CEP112: variants seen among roughly 807,000 people sequenced by gnomAD.
The protein encoded by CEP112 is centrosomal protein of 112 kDa.
Under a neutral mutation model 153.0 loss-of-function variants are expected in CEP112, and 127 were observed. That is an observed-to-expected ratio of 0.83 (90% confidence interval 0.72 to 0.96). The LOEUF is 0.96. Among genes scored for constraint, CEP112 ranks in the 40% least tolerant of loss-of-function variants. CEP112 has a pLI of 0.00. For synonymous variants in CEP112, 358 were observed against 374.4 expected, an observed-to-expected ratio of 0.96 and a Z score of 0.51; for missense variants, 1,089 against 1,101.2, an observed-to-expected ratio of 0.99 and a Z score of 0.16.
chr17:66,008,561 G>A (rs1461061839), intron 16 of CEP112, among the ~76,000 whole-genome samples: 3 of 151,930 alleles, frequency 2.0e-5, no homozygotes, highest in Non-Finnish European at 4.4e-5. Context: ...TGCCCAGTCT[G>A]GTATAAAATG....
intron 21 of CEP112, among the ~76,000 whole-genome samples, chr17:65,820,920 G>A (rs890675469): frequency 2.0e-5 from 3 of 151,948 alleles, no homozygotes; most frequent in South Asian, 2.1e-4. Flanking sequence ...TCCATGACCC[G>A]GGGTTGCTTC....
intron 20 of CEP112, among the ~76,000 whole-genome samples, chr17:65,875,338 A>G (rs2146538925): frequency 6.6e-6 from 1 of 152,204 alleles, no homozygotes; most frequent in African/African-American, 2.4e-5. Context: ...TTAAAAATAC[A>G]CATAATCAAA....
At chr17:65,859,471 G>T (rs999235490) in intron 20 of CEP112, among the ~76,000 whole-genome samples, 43 of 148,084 alleles carry the variant, frequency 2.9e-4, no homozygotes, top group African/African-American at 1.0e-3. Flanking sequence ...GAAAAGAAAA[G>T]AAAAAACATT....
At chr17:65,716,267 T>C (rs2049508343) in intron 23 of CEP112, among the ~76,000 whole-genome samples, 1 of 152,142 alleles carries the variant, frequency 6.6e-6, no homozygotes, top group Non-Finnish European at 1.5e-5. Flanking sequence ...AGCAATTCTT[T>C]TGCCTCAGCC....
At chr17:65,882,348 C>A (rs1275783757) in intron 20 of CEP112, among the ~76,000 whole-genome samples, 1 of 152,226 alleles carries the variant, frequency 6.6e-6, no homozygotes, top group Non-Finnish European at 1.5e-5. Flanking sequence ...TCTTCAACAG[C>A]TAGCAATGTG....
At chr17:65,963,512 C>G (rs1311312534) in intron 17 of CEP112, among the ~76,000 whole-genome samples, 1 of 152,112 alleles carries the variant, frequency 6.6e-6, no homozygotes, top group Non-Finnish European at 1.5e-5. Flanking sequence ...CCCTCTCCCC[C>G]ACCAAATTGA....
At chr17:65,836,631 A>T (rs1384600176) in intron 21 of CEP112, among the ~76,000 whole-genome samples, 2 of 152,216 alleles carry the variant, frequency 1.3e-5, no homozygotes, top group Admixed American at 6.5e-5. Flanking sequence ...AATATAAAAA[A>T]ACAAAAATTA....
At chr17:66,164,846 C>A (rs1443865346) in intron 4 of CEP112, among the ~76,000 whole-genome samples, 2 of 151,014 alleles carry the variant, frequency 1.3e-5, no homozygotes, top group East Asian at 3.9e-4. Context: ...CAAAGTGAAA[C>A]TCCATCTCAA....
chr17:66,188,584 GTT>G (rs56059206), intron 1 of CEP112, among the ~76,000 whole-genome samples: 5,597 of 147,902 alleles, frequency 0.038, 123 homozygotes, highest in Admixed American at 0.06. Context: ...TTATCATGCT[GTT>G]TTTTTTTTTT....
chr17:65,691,999 C>T (rs1245433388), intron 23 of CEP112, among the ~76,000 whole-genome samples: 1 of 152,214 alleles, frequency 6.6e-6, no homozygotes, highest in Non-Finnish European at 1.5e-5. Flanking sequence ...GGCTTGGTCT[C>T]CAGCCACGCT....
chr17:66,082,195 A>G (rs1598312789), intron 8 of CEP112, among the ~76,000 whole-genome samples: 1 of 152,138 alleles, frequency 6.6e-6, no homozygotes, highest in Non-Finnish European at 1.5e-5. Flanking sequence ...AACTTTTCCA[A>G]ATGTCATAAT....
chr17:65,741,640 A>G (rs186204465), intron 23 of CEP112, among the ~76,000 whole-genome samples: 1 of 151,854 alleles, frequency 6.6e-6, no homozygotes, highest in Non-Finnish European at 1.5e-5. Context: ...TACCAGAACT[A>G]TGCTGTCAGG....
chr17:66,034,976 G>GTGTGTGTGTGTGTGTGTGTGTT (rs1255011364), intron 12 of CEP112, among the ~76,000 whole-genome samples: 2 of 13,444 alleles, frequency 1.5e-4, no homozygotes, highest in South Asian at 1.8e-3. Flanking sequence ...GTTTTTGCAT[G>GTGTGTGTGTGTGTGTGTGTGTT]TATATATATA....
rs55897660 is a variant in CEP112, at chr17:65,773,422, T to TA, written c.2395-22699dup. Among the ~76,000 whole-genome samples the TA allele has an allele frequency of 5.5e-4, 84 of 151,974 alleles. 1 individual carries two copies. Among genetic ancestry groups the TA allele is most frequent in the Middle Eastern group, 6.8e-3 (2 of 294 alleles). Reference sequence around the variant, plus strand: ...CTGCTGTAATAAGAGGCCATTTTTTTATAATACTCATTTTCTTCTGATTAT... The same window carrying TA: ...CTGCTGTAATAAGAGGCCATTTTTTTAATAATACTCATTTTCTTCTGATTAT... On this transcript the variant is annotated intron_variant, in intron 21 of 26. Transcript: ENST00000535342.
At chr17:65,995,698 C>T (rs1192864794) in intron 17 of CEP112, among the ~76,000 whole-genome samples, 1 of 152,168 alleles carries the variant, frequency 6.6e-6, no homozygotes, top group Non-Finnish European at 1.5e-5. Context: ...TACAAAATGT[C>T]TGATTTTTAC....
At chr17:66,012,701 T>C (rs888772381) in intron 16 of CEP112, among the ~76,000 whole-genome samples, 1 of 152,154 alleles carries the variant, frequency 6.6e-6, no homozygotes, top group East Asian at 1.9e-4. Flanking sequence ...TAACTATGTG[T>C]CTTGGGGATG....
chr17:65,798,453 C>T (rs1852529888), intron 21 of CEP112, among the ~76,000 whole-genome samples: 1 of 152,084 alleles, frequency 6.6e-6, no homozygotes, highest in Non-Finnish European at 1.5e-5. Context: ...CATTTTTGTA[C>T]AAAAATTCAA....
intron 19 of CEP112, among the ~76,000 whole-genome samples, chr17:65,916,126 C>T (rs1380361623): frequency 8.5e-5 from 13 of 152,182 alleles, no homozygotes. Context: ...TACAATAACA[C>T]CTTGTATAAA....
chr17:65,641,208 A>G, intron 24 of CEP112, 143 bp from the exon 25 acceptor site: 1 of 568,644 alleles, frequency 1.8e-6, no homozygotes, highest in Non-Finnish European at 3.1e-6. Context: ...ATGAAATAAG[A>G]AGAAAGAGTT....
Sources: allele counts gnomAD v4.1 joint callset (sites outside exome capture counted in the v4.1 genomes callset), GRCh38; gene constraint gnomAD v4.1.1; transcripts MANE v1.5; gene names NCBI Gene and HGNC (gene_info 2026-07-23, HGNC 2026-07-21).